Variants in WDR70 observed in about 807,000 individuals in gnomAD.
WDR70 encodes WD repeat domain 70, also known as WD repeat-containing protein 70.
Under a neutral mutation model 88.6 loss-of-function variants are expected in WDR70, and 53 were observed. That is an observed-to-expected ratio of 0.60 (90% confidence interval 0.48 to 0.75). The LOEUF (loss-of-function observed/expected upper bound fraction) is 0.75. WDR70 is among the 30% of genes least tolerant of loss of function. WDR70 has a pLI of 0.00. For missense variants in WDR70, 610 were observed against 823.2 expected (o/e 0.74, Z 3.17); for synonymous variants, 280 against 270.0 (o/e 1.04, Z -0.36).
intron 9 of WDR70, among the ~76,000 whole-genome samples, chr5:37,527,440 C>G (rs968995415): frequency 6.6e-6 from 1 of 152,196 alleles, no homozygotes; most frequent in Non-Finnish European, 1.5e-5. Flanking sequence ...ATGTAGAAAG[C>G]TGAAACTGGA....
chr5:37,676,252 C>A (rs1042575829), intron 10 of WDR70, among the ~76,000 whole-genome samples: 73 of 151,158 alleles, frequency 4.8e-4, no homozygotes, highest in African/African-American at 1.8e-3. Flanking sequence ...ATTGCCCTGG[C>A]CAGAACTTCC....
At chr5:37,381,554 C>T (rs1380883477) in intron 2 of WDR70, 48 bp from the exon 3 acceptor site, 43 of 1,565,312 alleles carry the variant, frequency 2.7e-5, no homozygotes, top group Non-Finnish European at 3.8e-5. Flanking sequence ...TAAAGTTTGG[C>T]CAACTTACTG....
At chr5:37,529,160 T>C (rs562312630) in intron 9 of WDR70, among the ~76,000 whole-genome samples, 1 of 152,244 alleles carries the variant, frequency 6.6e-6, no homozygotes, top group South Asian at 2.1e-4. Context: ...CTGGGTTCTG[T>C]ATTCTGTTCC....
chr5:37,542,265 T>C lies in WDR70; in HGVS notation c.917+25675T>C, dbSNP rs1160622980. On this transcript the variant is annotated intron_variant, in intron 9 of 17. Transcript: ENST00000265107. ...ACATTAAATCTAGTCGCTTTAGTTT[T>C]TTCTTCTTCTTCTTCTTTTTTTTTT... 6.6e-5 allele frequency among the ~76,000 whole-genome samples: 10 copies of C among 150,498 alleles called. No homozygotes were observed. The East Asian group carries it at 1.9e-3, about 29-fold the overall frequency.
At chr5:37,679,303 G>A (rs1746346434) in intron 10 of WDR70, among the ~76,000 whole-genome samples, 1 of 151,726 alleles carries the variant, frequency 6.6e-6, no homozygotes, top group African/African-American at 2.4e-5. Flanking sequence ...AGGAGGAGAG[G>A]CACCCTGCTT....
At chr5:37,693,918 A>G (rs995232924) in intron 10 of WDR70, among the ~76,000 whole-genome samples, 8 of 152,230 alleles carry the variant, frequency 5.3e-5, no homozygotes, top group African/African-American at 1.2e-4. Flanking sequence ...TGAACAGGCA[A>G]CCTACAAAAT....
At chr5:37,636,907 A>C (rs1475542290) in intron 10 of WDR70, among the ~76,000 whole-genome samples, 2 of 152,212 alleles carry the variant, frequency 1.3e-5, no homozygotes, top group Non-Finnish European at 2.9e-5. Flanking sequence ...TAGATTAGCT[A>C]ATAGAATTCT....
chr5:37,487,619 A>ATTTTTTT (rs1739918883), intron 8 of WDR70, among the ~76,000 whole-genome samples: 4 of 93,546 alleles, frequency 4.3e-5, no homozygotes, highest in African/African-American at 1.7e-4. Context: ...ATATATATAT[A>ATTTTTTT]TATATGTATT....
intron 11 of WDR70, among the ~76,000 whole-genome samples, chr5:37,698,646 T>C (rs921314705): frequency 2.0e-5 from 3 of 152,178 alleles, no homozygotes; most frequent in African/African-American, 7.2e-5. Flanking sequence ...GTGCTGGGTG[T>C]AAACCTTAAA....
intron 17 of WDR70, among the ~76,000 whole-genome samples, chr5:37,751,001 A>G (rs1267876167): frequency 3.3e-5 from 5 of 152,198 alleles, no homozygotes; most frequent in African/African-American, 7.2e-5. Flanking sequence ...CTTAAATCTC[A>G]TTACAACTAA....
chr5:37,571,314 A>G (rs1186609062), intron 9 of WDR70, among the ~76,000 whole-genome samples: 1 of 152,172 alleles, frequency 6.6e-6, no homozygotes, highest in Non-Finnish European at 1.5e-5. Context: ...TAGGAGAAGG[A>G]GGTAGATAGG....
At chr5:37,537,273 G>T (rs1327940141) in intron 9 of WDR70, among the ~76,000 whole-genome samples, 3 of 152,102 alleles carry the variant, frequency 2.0e-5, no homozygotes, top group African/African-American at 7.2e-5. Flanking sequence ...ATTGCATCTG[G>T]GTTGAATGCT....
chr5:37,612,336 T>C (rs927195259), intron 10 of WDR70, among the ~76,000 whole-genome samples: 1 of 152,148 alleles, frequency 6.6e-6, no homozygotes, highest in African/African-American at 2.4e-5. Flanking sequence ...TCCTACAGCA[T>C]GTTTTATAGA....
At chr5:37,603,863 A>AT (rs1743957852) in intron 9 of WDR70, among the ~76,000 whole-genome samples, 1 of 152,226 alleles carries the variant, frequency 6.6e-6, no homozygotes, top group East Asian at 1.9e-4. Context: ...TTAGCATATC[A>AT]AATTCTCTCA....
At chr5:37,728,348 C>CAA (rs1271317565) in intron 17 of WDR70, among the ~76,000 whole-genome samples, 4 of 49,986 alleles carry the variant, frequency 8.0e-5, no homozygotes, top group African/African-American at 1.5e-4. Flanking sequence ...ACCTTGCCTC[C>CAA]AAAAAAAAAA....
intron 10 of WDR70, among the ~76,000 whole-genome samples, chr5:37,654,685 C>G (rs1259170152): frequency 6.6e-6 from 1 of 152,146 alleles, no homozygotes; most frequent in East Asian, 1.9e-4. Context: ...TTGATCAATC[C>G]CTTTACCATT....
intron 9 of WDR70, among the ~76,000 whole-genome samples, chr5:37,562,547 A>G (rs1347303677): frequency 6.6e-6 from 1 of 151,990 alleles, no homozygotes; most frequent in African/African-American, 2.4e-5. Context: ...CAGATAAGTG[A>G]ACAAAGGTCT....
At chr5:37,631,684 A>G (rs1319065771) in intron 10 of WDR70, among the ~76,000 whole-genome samples, 1 of 152,068 alleles carries the variant, frequency 6.6e-6, no homozygotes, top group East Asian at 1.9e-4. Context: ...TGTACTTTTA[A>G]CCAACATCTC....
intron 10 of WDR70, among the ~76,000 whole-genome samples, chr5:37,651,423 G>T (rs372384315): frequency 6.6e-6 from 1 of 152,078 alleles, no homozygotes. Context: ...TGCAATAAAC[G>T]TACATGTGCA....
Sources: allele counts gnomAD v4.1 joint callset (sites outside exome capture counted in the v4.1 genomes callset), GRCh38; gene constraint gnomAD v4.1.1; transcripts MANE v1.5; gene names NCBI Gene and HGNC (gene_info 2026-07-23, HGNC 2026-07-21).